Variants in CDH17 observed in about 807,000 individuals in gnomAD.
CDH17 encodes the protein cadherin 17, also known as cadherin-17.
In CDH17, 67 loss-of-function variants were observed where a neutral mutation model predicts 86.3. That is an observed-to-expected ratio of 0.78 (90% CI 0.64 to 0.95). The LOEUF (loss-of-function observed/expected upper bound fraction) is 0.95. Ranked by LOEUF, CDH17 falls within the 40% of genes least tolerant of loss-of-function variation. The probability of loss-of-function intolerance (pLI) is 0.00; values close to 1 mark genes in which losing one functional copy is unlikely to be tolerated. For synonymous variants in CDH17, 367 were observed against 366.4 expected, an observed-to-expected ratio of 1.00 and a Z score of -0.02; for missense variants, 993 against 1,017.6, an observed-to-expected ratio of 0.98 and a Z score of 0.33.
chr8:94,163,145 G>C (rs779274166), intron 10 of CDH17, among the ~76,000 whole-genome samples: 1 of 152,232 alleles, frequency 6.6e-6, no homozygotes, highest in Non-Finnish European at 1.5e-5. Flanking sequence ...TCATCTTCAT[G>C]ATAACTTCAT....
chr8:94,194,664 G>A lies in CDH17; in HGVS notation c.22C>T (p.His8Tyr), dbSNP rs1813746976. 1 of 1,607,036 alleles carries A rather than the reference G, an allele frequency of 6.2e-7. No homozygotes were observed. Among genetic ancestry groups the A allele is most frequent in the South Asian group, 1.1e-5 (1 of 90,434 alleles). MILQAHLHSLCLLMLYLA... is the reference protein window; with the variant it reads MILQAHLYSLCLLMLYLA... ...TAAAGCATAAGAAGACACAGGGAGT[G>A]AAGATGGGCCTGAAGTATCATAGTT... Residue 8 changes from histidine (H) to tyrosine (Y), a missense_variant, in exon 2 of 18, where the codon CAC (histidine) becomes TAC (tyrosine). By Grantham distance (83) the His-to-Tyr change is moderately conservative. Coordinates refer to ENST00000027335, the MANE Select transcript of CDH17 (RefSeq NM_004063.4).
At chr8:94,181,636 A>AGTAC (rs1328488367) in intron 3 of CDH17, among the ~76,000 whole-genome samples, 1 of 152,048 alleles carries the variant, frequency 6.6e-6, no homozygotes, top group Non-Finnish European at 1.5e-5. Context: ...CAGATAAAGC[A>AGTAC]GTACTTAGAG....
chr8:94,211,404 C>A (rs1226456558), upstream of CDH17, among the ~76,000 whole-genome samples: 1 of 152,130 alleles, frequency 6.6e-6, no homozygotes, highest in Non-Finnish European at 1.5e-5. Flanking sequence ...CTCCGCCTCC[C>A]AGTTTCAAGT....
At chr8:94,129,993 A>C (rs1189005165) in intron 17 of CDH17, among the ~76,000 whole-genome samples, 1 of 152,190 alleles carries the variant, frequency 6.6e-6, no homozygotes, top group African/African-American at 2.4e-5. Context: ...TCTGCTCTCA[A>C]GCATTTTGGG....
chr8:94,179,363 C>T (rs1271222121), intron 3 of CDH17, among the ~76,000 whole-genome samples: 1 of 152,220 alleles, frequency 6.6e-6, no homozygotes, highest in Middle Eastern at 3.2e-3. Context: ...AACATTGCAG[C>T]TGCCTGAGGC....
intron 7 of CDH17, among the ~76,000 whole-genome samples, chr8:94,171,482 T>C (rs1487846727): frequency 6.6e-6 from 1 of 152,150 alleles, no homozygotes; most frequent in Non-Finnish European, 1.5e-5. Context: ...TCCTAAATAT[T>C]TAGCCTCAGA....
chr8:94,153,355 C>T (rs1563571488), intron 12 of CDH17, among the ~76,000 whole-genome samples: 1 of 151,952 alleles, frequency 6.6e-6, no homozygotes, highest in Non-Finnish European at 1.5e-5. Flanking sequence ...ATCAAAAAGA[C>T]AAAAAACAAA....
chr8:94,199,547 T>C (rs1392685064), intron 1 of CDH17, among the ~76,000 whole-genome samples: 3 of 152,054 alleles, frequency 2.0e-5, no homozygotes, highest in Non-Finnish European at 2.9e-5. Flanking sequence ...GAATGCCTTA[T>C]TTTGGTCAGA....
chr8:94,179,090 C>T (rs529841697), intron 3 of CDH17, among the ~76,000 whole-genome samples: 28 of 150,930 alleles, frequency 1.9e-4, no homozygotes, highest in African/African-American at 5.8e-4. Flanking sequence ...TTTAATGCAC[C>T]CTAATCCCAT....
intron 1 of CDH17, among the ~76,000 whole-genome samples, chr8:94,205,131 G>A (rs1563592498): frequency 1.3e-5 from 2 of 152,090 alleles, no homozygotes; most frequent in African/African-American, 4.8e-5. Flanking sequence ...CACGTGTGCA[G>A]CTATATACCC....
intron 15 of CDH17, among the ~76,000 whole-genome samples, chr8:94,138,702 A>G (rs1030967713): frequency 1.3e-5 from 2 of 152,178 alleles, no homozygotes; most frequent in Non-Finnish European, 2.9e-5. Flanking sequence ...AGCGCTCACA[A>G]AGAGCCAGGA....
At chr8:94,174,950 A>AATATAGTAAATGTTG (rs1813344412) in intron 5 of CDH17, among the ~76,000 whole-genome samples, 1 of 152,168 alleles carries the variant, frequency 6.6e-6, no homozygotes, top group Non-Finnish European at 1.5e-5. Context: ...TAAAATTTCT[A>AATATAGTAAATGTTG]ATATAGTAAA....
chr8:94,146,648 G>C (rs1269038405), intron 14 of CDH17, among the ~76,000 whole-genome samples: 1 of 152,232 alleles, frequency 6.6e-6, no homozygotes, highest in Non-Finnish European at 1.5e-5. Context: ...TAAAAAACTT[G>C]GATCTGCAGC....
intron 10 of CDH17, among the ~76,000 whole-genome samples, chr8:94,163,463 GC>G (rs768616487): frequency 2.6e-5 from 4 of 152,182 alleles, no homozygotes; most frequent in Non-Finnish European, 5.9e-5. Context: ...GGGGTGTCAC[GC>G]CCCCGTTGCC....
At chr8:94,199,061 ATATATATATATATATATATATATTTTTTT>A (rs1288331198) in intron 1 of CDH17, among the ~76,000 whole-genome samples, 28 of 49,842 alleles carry the variant, frequency 5.6e-4, no homozygotes, top group Non-Finnish European at 1.0e-3. Context: ...ATATATATAT[ATATATATATATATATATATATATTTTTTT>A]TTTTTTATCA....
At chr8:94,146,195 G>A in intron 14 of CDH17, 28 bp from the exon 15 acceptor site, 1 of 1,445,306 alleles carries the variant, frequency 6.9e-7, no homozygotes, top group Non-Finnish European at 9.1e-7. Flanking sequence ...TGAAACATGG[G>A]ATCAGTTCAC....
At chr8:94,153,693 C>T (rs957055415) in intron 12 of CDH17, among the ~76,000 whole-genome samples, 1 of 152,148 alleles carries the variant, frequency 6.6e-6, no homozygotes, top group African/African-American at 2.4e-5. Flanking sequence ...TATATACACA[C>T]ACACAATGAA....
intron 13 of CDH17, among the ~76,000 whole-genome samples, chr8:94,149,783 G>A (rs1031826324): frequency 6.6e-6 from 1 of 152,194 alleles, no homozygotes; most frequent in African/African-American, 2.4e-5. Context: ...GGCCATATTT[G>A]TGCTTTCAAC....
chr8:94,138,075 T>G (rs1049807750), intron 15 of CDH17, among the ~76,000 whole-genome samples: 1 of 152,152 alleles, frequency 6.6e-6, no homozygotes, highest in African/African-American at 2.4e-5. Flanking sequence ...TTACCACCTT[T>G]TTTAAAATAG....
Sources: allele counts gnomAD v4.1 joint callset (sites outside exome capture counted in the v4.1 genomes callset), GRCh38; gene constraint gnomAD v4.1.1; transcripts MANE v1.5; gene names NCBI Gene and HGNC (gene_info 2026-07-23, HGNC 2026-07-21).